Variants in MTHFD1L observed in about 807,000 individuals in gnomAD.
The protein encoded by MTHFD1L is monofunctional C1-tetrahydrofolate synthase, mitochondrial.
Under a neutral mutation model 119.5 loss-of-function variants are expected in MTHFD1L, and 81 were observed. The ratio of observed to expected loss-of-function variants is 0.68; its 90% CI spans 0.57 to 0.82. The LOEUF is 0.82. Ranked by LOEUF, MTHFD1L falls within the 40% of genes least tolerant of loss-of-function variation. MTHFD1L has a pLI of 0.00. For synonymous variants in MTHFD1L, 430 were observed against 475.2 expected (o/e 0.90, Z 1.24); for missense variants, 1,125 against 1,253.4 (o/e 0.90, Z 1.55).
chr6:151,045,254 C>T (rs1214864063), intron 26 of MTHFD1L, among the ~76,000 whole-genome samples: 3 of 152,118 alleles, frequency 2.0e-5, no homozygotes, highest in Admixed American at 6.5e-5. Flanking sequence ...ATTCACCCCC[C>T]CGCCAAGCTG....
chr6:150,941,262 G>C (rs1357227250), intron 13 of MTHFD1L, among the ~76,000 whole-genome samples: 1 of 152,218 alleles, frequency 6.6e-6, no homozygotes, highest in Admixed American at 6.5e-5. Context: ...GAGGACACCA[G>C]GGTGGCTGGA....
intron 15 of MTHFD1L, among the ~76,000 whole-genome samples, chr6:150,946,300 C>T (rs1257221053): frequency 4.6e-5 from 7 of 152,206 alleles, no homozygotes; most frequent in Non-Finnish European, 1.0e-4. Flanking sequence ...CAGACACGCA[C>T]CACCGCACCT....
At chr6:150,907,180 GT>G (rs1231000324) in intron 8 of MTHFD1L, among the ~76,000 whole-genome samples, 2 of 152,182 alleles carry the variant, frequency 1.3e-5, no homozygotes, top group Non-Finnish European at 2.9e-5. Context: ...ATGTAGGACA[GT>G]TTTGGCAGTC....
chr6:150,974,810 C>G (rs1215414722), intron 20 of MTHFD1L, among the ~76,000 whole-genome samples: 2 of 151,406 alleles, frequency 1.3e-5, no homozygotes, highest in Non-Finnish European at 2.9e-5. Flanking sequence ...AATCTCAGCT[C>G]ACTGCAACCT....
Position 150,866,654 on chromosome 6 carries a change from G to C in MTHFD1L, c.227+605G>C, listed in dbSNP as rs1166794273. The C allele has an allele frequency of 3.3e-6, 4 of 1,196,006 alleles. No individual in the cohort carries two copies. The East Asian group carries it at 1.0e-4, about 31-fold the overall frequency. 74.1% of individuals were successfully genotyped at this position (1,196,006 alleles called of 1,614,324 possible). On this transcript the variant is annotated intron_variant, in intron 1 of 27. Transcript: ENST00000367321. ...GGCAAAGGTGGAGCCGGGCCCCCGGGACAGCCGCCGGGGGGAATCCGAGAG... is the reference window on the plus strand; with the variant it reads ...GGCAAAGGTGGAGCCGGGCCCCCGGCACAGCCGCCGGGGGGAATCCGAGAG...
rs148889382 is a variant in MTHFD1L at position 150,946,351 on chromosome 6, T to C, written c.1623+810T>C. 1.8e-3 allele frequency among the ~76,000 whole-genome samples: 279 copies of C among 152,372 alleles called. 1 individual carries two copies. The highest frequency in any genetic ancestry group is 6.2e-3 in the African/African-American group (257 of 41,582). ...TTTCAGTACAGATGGGATTTCACCA[T>C]GTTGGCCAGGCTGGTCTCAAACGCC... On this transcript the variant is annotated intron_variant, in intron 15 of 27. Coordinates refer to ENST00000367321, the MANE Select transcript of MTHFD1L (RefSeq NM_015440.5).
chr6:151,099,471 T>C, intron 27 of MTHFD1L: 1 of 1,081,360 alleles, frequency 9.2e-7, no homozygotes, highest in Non-Finnish European at 1.4e-6. Context: ...TTTTTTGCCC[T>C]TCTCTCTTCC....
In MTHFD1L at chr6:150,866,466, C is replaced by T. The variant is rs990070863; in HGVS notation, c.227+417C>T. 6.1e-6 allele frequency: 8 copies of T among 1,316,708 alleles called. No homozygotes were observed. The African/African-American group carries it at 6.2e-5, about 10-fold the overall frequency. 81.6% of individuals were successfully genotyped at this position (1,316,708 alleles called of 1,614,324 possible). A position where few individuals can be genotyped will look rare whatever the true frequency, so the allele number is the denominator to read the frequency against. On this transcript the variant is annotated intron_variant, in intron 1 of 27. Transcript: ENST00000367321. ...AGGAGGGCGGGGCTGCGGCTCGGCG[C>T]GCCGGCTGGCCCGGGGTTCGGGAAG...
chr6:150,920,906 G>A (rs191939036), intron 9 of MTHFD1L, among the ~76,000 whole-genome samples: 1 of 149,396 alleles, frequency 6.7e-6, no homozygotes, highest in African/African-American at 2.5e-5. Context: ...CTGGGTAGCT[G>A]GGATTACAGG....
At chr6:151,036,362 T>C (rs1238678573) in intron 25 of MTHFD1L, among the ~76,000 whole-genome samples, 1 of 152,154 alleles carries the variant, frequency 6.6e-6, no homozygotes, top group Non-Finnish European at 1.5e-5. Context: ...TTGAGGACAC[T>C]GTGCTTTTTG....
intron 6 of MTHFD1L, among the ~76,000 whole-genome samples, chr6:150,887,393 T>A (rs1028365407): frequency 6.6e-6 from 1 of 152,212 alleles, no homozygotes; most frequent in African/African-American, 2.4e-5. Flanking sequence ...TTTTGTTGAT[T>A]ACAACACCCC....
At chr6:150,955,573 C>T (rs1354688633) in intron 16 of MTHFD1L, among the ~76,000 whole-genome samples, 2 of 148,538 alleles carry the variant, frequency 1.3e-5, no homozygotes, top group African/African-American at 4.9e-5. Flanking sequence ...AATCTCAGCT[C>T]ACTGCAACCT....
chr6:150,939,344 T>C (rs1792682584), intron 13 of MTHFD1L: 1 of 152,288 alleles, frequency 6.6e-6, no homozygotes, highest in African/African-American at 2.4e-5. Flanking sequence ...GACCCCAAAA[T>C]AAAAGAGTTC....
In MTHFD1L at chr6:150,926,206, A is replaced by G; in HGVS notation, c.1167A>G (p.Glu389=). 1 of 1,614,092 alleles carries G rather than the reference A, an allele frequency of 6.2e-7. No homozygotes were observed. The highest frequency in any genetic ancestry group is 8.5e-7 in the Non-Finnish European group (1 of 1,180,014). The change falls in exon 11 of 28, where the codon GAA becomes GAG. Residue 389 remains glutamate, a synonymous_variant. Transcript: ENST00000367321. The surrounding 1 kb of genome is among the most constrained non-coding windows in gnomAD (Gnocchi z 4.3). Reference sequence around the variant, plus strand: ...TTGGATTGCTTGCAGATGAAATTGAAATCTATGGCAAAAGCAAAGCCAAAG... The same window carrying G: ...TTGGATTGCTTGCAGATGAAATTGAGATCTATGGCAAAAGCAAAGCCAAAG... The part of the protein sequence containing the change: ...KEIGLLADEI[E]IYGKSKAKVR...
rs1422669551 is a variant in MTHFD1L, at chr6:150,907,022, AAAAC to A, written c.892+1265_892+1268del. On this transcript the variant is annotated intron_variant, in intron 8 of 27. Transcript: ENST00000367321. ...ACTTTTTTTCCCCTGAAAAAAAAAA[AAAAC>A]AAAGCCTAACCTATTAATAGTGGAC... 2.0e-5 allele frequency among the ~76,000 whole-genome samples: 3 copies of A among 152,138 alleles called. No homozygotes were observed. In the East Asian group the frequency reaches 5.8e-4, roughly 29 times the overall value.
intron 24 of MTHFD1L, among the ~76,000 whole-genome samples, chr6:151,016,377 C>G (rs2128492805): frequency 6.6e-6 from 1 of 151,550 alleles, no homozygotes; most frequent in East Asian, 1.9e-4. Context: ...GGCTGGAGTA[C>G]AGTGGTGCAA....
chr6:150,878,106 C>T (rs562087098), intron 4 of MTHFD1L, among the ~76,000 whole-genome samples: 14 of 152,262 alleles, frequency 9.2e-5, no homozygotes, highest in African/African-American at 3.1e-4. Flanking sequence ...ATTGTCAGGC[C>T]GAGGCGAGGA....
chr6:151,019,811 A>G (rs905973518), intron 24 of MTHFD1L, among the ~76,000 whole-genome samples: 3 of 152,316 alleles, frequency 2.0e-5, no homozygotes, highest in East Asian at 3.9e-4. Context: ...TCTTGTCACC[A>G]TGTAAAAATC....
At chr6:151,001,506 T>G (rs551624716) in intron 20 of MTHFD1L, among the ~76,000 whole-genome samples, 1 of 152,304 alleles carries the variant, frequency 6.6e-6, no homozygotes, top group African/African-American at 2.4e-5. Flanking sequence ...TCCATGCACA[T>G]GTGCTGACAA....
Sources: gnomAD v4.1 joint callset for allele counts (sites outside exome capture counted in the v4.1 genomes callset) on GRCh38, gnomAD v4.1.1 for gene constraint, Gnocchi (gnomAD v3.1) non-coding constraint, MANE v1.5 for transcripts, NCBI Gene and HGNC (gene_info 2026-07-23, HGNC 2026-07-21) for gene names.